KAT6A: variants seen among roughly 807,000 people sequenced by gnomAD.
KAT6A encodes the protein histone acetyltransferase KAT6A.
Under a neutral mutation model 198.4 loss-of-function variants are expected in KAT6A, and 9 were observed. The observed-to-expected ratio is 0.05, with a 90% confidence interval of 0.03 to 0.08. The LOEUF is 0.08. Ranked by LOEUF, KAT6A falls within the 10% of genes least tolerant of loss-of-function variation. KAT6A has a pLI of 1.00. For missense variants in KAT6A, 2,077 were observed against 2,509.9 expected (o/e 0.83, Z 3.69); for synonymous variants, 890 against 883.0 (o/e 1.01, Z -0.14).
chr8:41,946,481 AATAT>A lies in KAT6A; in HGVS notation c.1996+106_1996+109del, dbSNP rs750947289. Reference sequence around the variant, plus strand: ...CCAACAAAGCACCTACAAATCTTTAAATATATATATATACACACACACACACACA... The same window carrying A: ...CCAACAAAGCACCTACAAATCTTTAAATATATATACACACACACACACACA... On this transcript the variant is annotated intron_variant, in intron 12 of 16. Coordinates refer to ENST00000265713, the MANE Select transcript of KAT6A (RefSeq NM_006766.5). 1,621 of 410,740 alleles carry A rather than the reference AATAT, an allele frequency of 3.9e-3. 11 individuals are homozygous for A. The highest frequency in any genetic ancestry group is 7.6e-3 in the Middle Eastern group (12 of 1,578). 25.4% of individuals were successfully genotyped at this position (410,740 alleles called of 1,614,324 possible).
intron 7 of KAT6A, 132 bp downstream of exon 7, chr8:41,976,876 T>C: frequency 1.3e-6 from 1 of 765,340 alleles, no homozygotes; most frequent in Non-Finnish European, 2.0e-6. Flanking sequence ...CTACATGTTT[T>C]TTCAATGTGT....
rs1420391873 is a variant in KAT6A at position 41,931,183 on chromosome 8, T to C, written c.*1022A>G. On this transcript the variant is annotated 3_prime_UTR_variant, in exon 17 of 17. Coordinates refer to ENST00000265713, the MANE Select transcript of KAT6A (RefSeq NM_006766.5). The stretch of plus-strand genomic sequence containing the variant: ...TAAGAGGCAAATCACTGGGGACTGC[T>C]ATTTGAGTTTTATCAGTCAAAGGCT... 1 of 222,370 alleles carries C rather than the reference T, an allele frequency of 4.5e-6. No homozygotes were observed. Among genetic ancestry groups the C allele is most frequent in the Admixed American group, 5.7e-5 (1 of 17,400 alleles). The allele number at this position is 222,370 out of a possible 1,614,324, so 13.8% of individuals were successfully genotyped here.
At chr8:42,032,475 C>T (rs978411656) in intron 2 of KAT6A, among the ~76,000 whole-genome samples, 3 of 152,010 alleles carry the variant, frequency 2.0e-5, no homozygotes, top group Admixed American at 2.0e-4. Flanking sequence ...AGGTTTGTCC[C>T]GATTGGCTAA....
intron 2 of KAT6A, among the ~76,000 whole-genome samples, chr8:42,035,561 C>T (rs11786808): frequency 0.69 from 104,809 of 151,988 alleles, 36,753 homozygotes; most frequent in African/African-American, 0.83. Context: ...AAAGATAAAA[C>T]GCCAATAAAC....
intron 8 of KAT6A, among the ~76,000 whole-genome samples, chr8:41,964,384 C>T (rs1317010): frequency 0.1 from 15,937 of 152,084 alleles, 1,076 homozygotes; most frequent in East Asian, 0.25. Flanking sequence ...AATAGTCCCC[C>T]TTATCCACCC....
chr8:41,948,072 C>T (rs1319406274), intron 10 of KAT6A, among the ~76,000 whole-genome samples, 160 bp from the exon 11 acceptor site: 1 of 152,176 alleles, frequency 6.6e-6, no homozygotes, highest in Non-Finnish European at 1.5e-5. Context: ...TTTGAAATGG[C>T]AGTATTATGC....
chr8:42,023,060 C>A (rs559557104), intron 2 of KAT6A, among the ~76,000 whole-genome samples: 15 of 152,264 alleles, frequency 9.9e-5, no homozygotes, highest in African/African-American at 3.6e-4. Context: ...TAGCTACAAA[C>A]CTGTACAACA....
At chr8:42,020,452 C>G (rs1826476337) in intron 2 of KAT6A, among the ~76,000 whole-genome samples, 1 of 152,134 alleles carries the variant, frequency 6.6e-6, no homozygotes. Flanking sequence ...AGATTATCAG[C>G]TCCCTGGACT....
At chr8:42,019,961 G>T (rs771420331) in intron 2 of KAT6A, among the ~76,000 whole-genome samples, 11 of 151,856 alleles carry the variant, frequency 7.2e-5, no homozygotes, top group Non-Finnish European at 1.6e-4. Context: ...TATTCTCAGG[G>T]GTATCCTTAG....
intron 2 of KAT6A, among the ~76,000 whole-genome samples, chr8:42,001,616 T>C (rs1825497169): frequency 6.6e-6 from 1 of 152,246 alleles, no homozygotes; most frequent in South Asian, 2.1e-4. Context: ...AGTTTGATTC[T>C]GTGCAGTGCA....
intron 8 of KAT6A, among the ~76,000 whole-genome samples, chr8:41,966,034 A>C (rs1430651295): frequency 6.6e-6 from 1 of 152,200 alleles, no homozygotes; most frequent in African/African-American, 2.4e-5. Flanking sequence ...AAAGGCTAGC[A>C]CAGTTCAAAT....
chr8:42,051,523 G>A (rs1268019608), intron 1 of KAT6A, among the ~76,000 whole-genome samples: 3 of 145,382 alleles, frequency 2.1e-5, no homozygotes, highest in Non-Finnish European at 3.1e-5. Context: ...CGGGCTCGCC[G>A]GCTCCGCCAG....
chr8:42,021,232 A>T (rs558697785), intron 2 of KAT6A, among the ~76,000 whole-genome samples: 147 of 152,334 alleles, frequency 9.6e-4, no homozygotes, highest in African/African-American at 3.3e-3. Context: ...ATGTCATATT[A>T]AAATTTATGT....
At chr8:42,017,692 A>G (rs1463842341) in intron 2 of KAT6A, among the ~76,000 whole-genome samples, 1 of 152,216 alleles carries the variant, frequency 6.6e-6, no homozygotes, top group East Asian at 1.9e-4. Flanking sequence ...GTTGCAATAA[A>G]GGCAAGGAAG....
chr8:41,992,569 T>G lies in KAT6A; in HGVS notation c.601-5006A>C, dbSNP rs17608096. On this transcript the variant is annotated intron_variant, in intron 2 of 16. Transcript: ENST00000265713. ...AGGGGTGAGAGCATGGAAAAGTCAT[T>G]CTCCTCGAGGGATATGTACACAATT... Among the ~76,000 whole-genome samples the G allele has an allele frequency of 2.5e-3, 378 of 152,224 alleles. 1 individual carries two copies. The highest frequency in any genetic ancestry group is 4.4e-3 in the Non-Finnish European group (300 of 68,012).
intron 2 of KAT6A, among the ~76,000 whole-genome samples, chr8:42,031,007 T>G (rs1460197056): frequency 9.2e-6 from 1 of 108,610 alleles, no homozygotes; most frequent in East Asian, 3.1e-4. Flanking sequence ...AAGAGTATGT[T>G]AAGGTATGCT....
chr8:41,974,695 C>G lies in KAT6A; in HGVS notation c.1482+9G>C, dbSNP rs780188201. ...TGCTTGATTGTCTAACCTGAATATC[C>G]AACTTTACCTGCAGTGCTTGTTCTT... On this transcript the variant is annotated intron_variant, in intron 8 of 16. Transcript: ENST00000265713. The G allele has an allele frequency of 6.5e-7, 1 of 1,542,438 alleles. No homozygotes were observed. The highest frequency in any genetic ancestry group is 8.9e-7 in the Non-Finnish European group (1 of 1,119,946).
Position 41,943,843 on chromosome 8 carries a change from G to T in KAT6A, c.2133C>A (p.Ile711=). The T allele has an allele frequency of 6.2e-7, 1 of 1,613,862 alleles. No homozygotes were observed. The highest frequency in any genetic ancestry group is 8.5e-7 in the Non-Finnish European group (1 of 1,179,934). ...TCAACTTGCTTAACTTCTTAATGCT[G>T]ATCTGCTTGTCATTTTGGTGATAAA... ...ECLYHQNDKQ[I]SIKKLSKLTG... The change falls in exon 13 of 17, where the codon ATC becomes ATA. Residue 711 remains isoleucine (I), a synonymous_variant. Coordinates refer to ENST00000265713, the MANE Select transcript of KAT6A (RefSeq NM_006766.5).
chr8:41,975,129 CA>C (rs1223413657), intron 7 of KAT6A, among the ~76,000 whole-genome samples: 1 of 152,024 alleles, frequency 6.6e-6, no homozygotes, highest in Non-Finnish European at 1.5e-5. Context: ...ATATAAATTT[CA>C]TTTTGAAATA....
Sources: gnomAD v4.1 joint callset for allele counts (sites outside exome capture counted in the v4.1 genomes callset) on GRCh38, gnomAD v4.1.1 for gene constraint, MANE v1.5 for transcripts, NCBI Gene and HGNC (gene_info 2026-07-23, HGNC 2026-07-21) for gene names.